The following RABGAP1L variants were observed in gnomAD, a reference collection of about 807,000 sequenced individuals.
The protein encoded by RABGAP1L is RAB GTPase activating protein 1 like.
RABGAP1L carries 63 observed loss-of-function variants against 137.7 expected under a neutral mutation model. The observed-to-expected ratio is 0.46, with a 90% CI of 0.37 to 0.56. The LOEUF (loss-of-function observed/expected upper bound fraction) is 0.56, where lower values mean the gene tolerates loss of function less well. RABGAP1L is among the 20% of genes least tolerant of loss of function. RABGAP1L has a pLI of 0.00. For synonymous variants in RABGAP1L, 431 were observed against 433.7 expected, an observed-to-expected ratio of 0.99 and a Z score of 0.08; for missense variants, 1,095 against 1,244.0, an observed-to-expected ratio of 0.88 and a Z score of 1.80.
intron 1 of RABGAP1L, among the ~76,000 whole-genome samples, chr1:174,198,106 A>AT (rs1321877895): frequency 6.6e-6 from 1 of 152,234 alleles, no homozygotes; most frequent in Admixed American, 6.5e-5. Flanking sequence ...ATTATGACTT[A>AT]GAAACACTGT....
intron 14 of RABGAP1L, among the ~76,000 whole-genome samples, chr1:174,679,678 T>C (rs1677903773): frequency 6.6e-6 from 1 of 152,044 alleles, no homozygotes; most frequent in Non-Finnish European, 1.5e-5. Context: ...ATGTAGAAAA[T>C]CCTAAGAAAT....
intron 22 of RABGAP1L, among the ~76,000 whole-genome samples, chr1:174,977,673 A>G (rs771788980): frequency 3.0e-4 from 45 of 152,330 alleles, no homozygotes; most frequent in Non-Finnish European, 5.6e-4. Flanking sequence ...TGAGGAAACT[A>G]TGGCTTAGAT....
chr1:174,816,437 C>T (rs1050658023), intron 19 of RABGAP1L, among the ~76,000 whole-genome samples: 1 of 152,086 alleles, frequency 6.6e-6, no homozygotes, highest in African/African-American at 2.4e-5. Context: ...TGAGCCACCA[C>T]ACCAGGCCTC....
At chr1:174,313,278 A>G (rs1444083294) in intron 11 of RABGAP1L, among the ~76,000 whole-genome samples, 1 of 152,208 alleles carries the variant, frequency 6.6e-6, no homozygotes, top group Non-Finnish European at 1.5e-5. Flanking sequence ...GACAATTGGC[A>G]TATGTAAATG....
intron 13 of RABGAP1L, among the ~76,000 whole-genome samples, chr1:174,433,419 A>G (rs1652869828): frequency 1.3e-5 from 2 of 152,160 alleles, no homozygotes; most frequent in African/African-American, 4.8e-5. Context: ...ACTTTCTCCC[A>G]CTAAGAAGGT....
chr1:174,189,092 G>A (rs552682925), intron 1 of RABGAP1L, among the ~76,000 whole-genome samples: 4 of 152,232 alleles, frequency 2.6e-5, no homozygotes, highest in East Asian at 1.9e-4. Context: ...TGCAAGCTCC[G>A]CCTCCTGGGT....
intron 21 of RABGAP1L, among the ~76,000 whole-genome samples, chr1:174,975,580 T>C (rs1296394126): frequency 6.6e-6 from 1 of 152,156 alleles, no homozygotes. Context: ...ATTTGCCACC[T>C]AACTGTTGTC....
At chr1:174,729,674 A>G (rs1402826449) in intron 17 of RABGAP1L, among the ~76,000 whole-genome samples, 1 of 152,230 alleles carries the variant, frequency 6.6e-6, no homozygotes, top group Non-Finnish European at 1.5e-5. Flanking sequence ...ACGAACAGAC[A>G]CTTCTCAAAA....
At chr1:174,422,874 G>T (rs1269683873) in intron 13 of RABGAP1L, among the ~76,000 whole-genome samples, 2 of 150,504 alleles carry the variant, frequency 1.3e-5, no homozygotes, top group African/African-American at 4.9e-5. Context: ...TTGAACCCCG[G>T]AGGTGGAGGT....
intron 17 of RABGAP1L, among the ~76,000 whole-genome samples, chr1:174,711,231 C>A (rs1229499395): frequency 6.6e-6 from 1 of 152,160 alleles, no homozygotes; most frequent in East Asian, 1.9e-4. Flanking sequence ...CTCCACACCT[C>A]CCTGCAAGCT....
intron 10 of RABGAP1L, among the ~76,000 whole-genome samples, chr1:174,289,235 G>T (rs1400574721): frequency 2.0e-5 from 3 of 152,108 alleles, no homozygotes; most frequent in Admixed American, 2.0e-4. Flanking sequence ...TAGAGACAGG[G>T]TCTTGCTGTT....
chr1:174,826,729 C>T (rs1006315802), intron 19 of RABGAP1L, among the ~76,000 whole-genome samples: 18 of 152,096 alleles, frequency 1.2e-4, no homozygotes, highest in African/African-American at 3.6e-4. Context: ...ATCTGTTCAC[C>T]GCAGTGGCTA....
At chr1:174,736,584 C>T (rs900085156) in intron 17 of RABGAP1L, among the ~76,000 whole-genome samples, 1 of 152,250 alleles carries the variant, frequency 6.6e-6, no homozygotes, top group Non-Finnish European at 1.5e-5. Context: ...TGGTGGAGGA[C>T]TCTGTGTGGG....
intron 1 of RABGAP1L, among the ~76,000 whole-genome samples, chr1:174,205,690 T>A (rs184668524): frequency 6.6e-6 from 1 of 152,274 alleles, no homozygotes. Context: ...GCTAGTGGCC[T>A]ATGTATCTTA....
intron 10 of RABGAP1L, among the ~76,000 whole-genome samples, chr1:174,294,382 A>G (rs1012769444): frequency 6.6e-6 from 1 of 152,204 alleles, no homozygotes; most frequent in Admixed American, 6.5e-5. Flanking sequence ...GTCAGAGACA[A>G]TAGTTGGTTA....
At chr1:174,891,658 T>C (rs1309990995) in intron 19 of RABGAP1L, among the ~76,000 whole-genome samples, 1 of 152,078 alleles carries the variant, frequency 6.6e-6, no homozygotes, top group Non-Finnish European at 1.5e-5. Flanking sequence ...CATGCCACCA[T>C]GCCTGGCTAA....
At chr1:174,722,256 A>T (rs1272804122) in intron 17 of RABGAP1L, among the ~76,000 whole-genome samples, 1 of 152,150 alleles carries the variant, frequency 6.6e-6, no homozygotes, top group Non-Finnish European at 1.5e-5. Context: ...GGTTGATGCC[A>T]GTCACACTTA....
At chr1:174,909,681 A>G (rs999487754) in intron 19 of RABGAP1L, among the ~76,000 whole-genome samples, 63 of 152,248 alleles carry the variant, frequency 4.1e-4, no homozygotes, top group Admixed American at 4.1e-3. Flanking sequence ...CAATAAAATC[A>G]GAAACAAAAA....
chr1:174,545,462 A>G (rs1665926522), intron 13 of RABGAP1L: 1 of 152,372 alleles, frequency 6.6e-6, no homozygotes. Context: ...AAAGCGCAGT[A>G]TTAGGGTGGG....
Sources: gnomAD v4.1 joint callset for allele counts (sites outside exome capture counted in the v4.1 genomes callset) on GRCh38, gnomAD v4.1.1 for gene constraint, MANE v1.5 for transcripts, NCBI Gene and HGNC (gene_info 2026-07-23, HGNC 2026-07-21) for gene names.